The following FBXO42 variants were observed in gnomAD, a reference collection of about 807,000 sequenced individuals.
FBXO42 encodes the protein F-box only protein 42.
Under a neutral mutation model 71.7 loss-of-function variants are expected in FBXO42, and 12 were observed. The observed-to-expected ratio is 0.17, with a 90% CI of 0.11 to 0.27. The LOEUF (loss-of-function observed/expected upper bound fraction) is 0.27, where lower values mean the gene tolerates loss of function less well. FBXO42 is among the 10% of genes least tolerant of loss of function. FBXO42 has a pLI of 1.00. For missense variants in FBXO42, 707 were observed against 911.9 expected (o/e 0.78, Z 2.89); for synonymous variants, 325 against 327.5 (o/e 0.99, Z 0.08).
At chr1:16,266,158 T>C (rs1164842721) in intron 4 of FBXO42, among the ~76,000 whole-genome samples, 1 of 152,170 alleles carries the variant, frequency 6.6e-6, no homozygotes, top group East Asian at 1.9e-4. Flanking sequence ...ATGGCTATTT[T>C]CATGGCTGTT....
chr1:16,255,248 G>A (rs2081628405), intron 6 of FBXO42, among the ~76,000 whole-genome samples: 1 of 152,042 alleles, frequency 6.6e-6, no homozygotes, highest in Non-Finnish European at 1.5e-5. Flanking sequence ...TTATTGGTCT[G>A]TGATTAAGGG....
intron 4 of FBXO42, among the ~76,000 whole-genome samples, chr1:16,262,093 T>C (rs1372538615): frequency 6.6e-6 from 1 of 152,220 alleles, no homozygotes; most frequent in African/African-American, 2.4e-5. Context: ...TTTTAAATTA[T>C]TGCTACTTTA....
chr1:16,265,780 TAAA>T (rs35779272), intron 4 of FBXO42, among the ~76,000 whole-genome samples: 4 of 142,838 alleles, frequency 2.8e-5, no homozygotes, highest in Non-Finnish European at 3.1e-5. Flanking sequence ...AAGTCCCTAT[TAAA>T]AAAAAAAAAA....
Position 16,311,487 on chromosome 1 carries a change from CAAAAA to C in FBXO42, c.250+3677_250+3681del, listed in dbSNP as rs138051911. Among the ~76,000 whole-genome samples, 389 of 110,738 alleles carry C rather than the reference CAAAAA, an allele frequency of 3.5e-3. 2 individuals are homozygous for C. The highest frequency in any genetic ancestry group is 4.7e-3 in the Non-Finnish European group (264 of 56,312). The allele number at this position is 110,738 out of a possible 152,430, so 72.6% of individuals were successfully genotyped here. A position where few individuals can be genotyped will look rare whatever the true frequency, so the allele number is the denominator to read the frequency against. ...TGGGTGACAGAGCAAGATCTTGTCT[CAAAAA>C]AAAAAAAAAAAATATATATATATAT... On this transcript the variant is annotated intron_variant, in intron 2 of 9. Transcript: ENST00000375592.
intron 1 of FBXO42, among the ~76,000 whole-genome samples, chr1:16,336,909 C>T (rs988810223): frequency 2.6e-5 from 4 of 152,020 alleles, no homozygotes; most frequent in South Asian, 2.1e-4. Context: ...CACTTGAACC[C>T]GGGAGGTGGA....
At chr1:16,320,130 C>T (rs2082399845) in intron 1 of FBXO42, among the ~76,000 whole-genome samples, 1 of 151,842 alleles carries the variant, frequency 6.6e-6, no homozygotes, top group Admixed American at 6.6e-5. Context: ...AAGGCCAAGG[C>T]AGGCAGATCA....
intron 4 of FBXO42, among the ~76,000 whole-genome samples, chr1:16,265,244 C>T (rs1173416986): frequency 6.6e-6 from 1 of 152,112 alleles, no homozygotes; most frequent in Middle Eastern, 3.2e-3. Context: ...CAGGCATGCA[C>T]CACCAAGTGG....
At chr1:16,332,314 G>C (rs1156474283) in intron 1 of FBXO42, among the ~76,000 whole-genome samples, 1 of 152,014 alleles carries the variant, frequency 6.6e-6, no homozygotes, top group Non-Finnish European at 1.5e-5. Context: ...TTCCAACAAT[G>C]GGAGGCACAT....
At chr1:16,342,074 C>G (rs1045038310) in intron 1 of FBXO42, among the ~76,000 whole-genome samples, 2 of 151,206 alleles carry the variant, frequency 1.3e-5, no homozygotes, top group African/African-American at 4.9e-5. Context: ...CCCAGGGGTT[C>G]AGGACCACCC....
In FBXO42 at chr1:16,248,037, G is replaced by A. The variant is rs938916250; in HGVS notation, c.*2633C>T. 3.3e-5 allele frequency: 5 copies of A among 152,102 alleles called. No individual in the cohort carries two copies. Among genetic ancestry groups the A allele is most frequent in the Non-Finnish European group, 5.9e-5 (4 of 68,020 alleles). 9.4% of individuals were successfully genotyped at this position (152,102 alleles called of 1,614,324 possible). On this transcript the variant is annotated 3_prime_UTR_variant, in exon 10 of 10. Transcript: ENST00000375592. ...AAATATTTGCTTCAGGTGCTCCTGA[G>A]GGTTAAAAAAAATTTAGTCTCATTT... is the stretch of plus-strand genomic sequence containing the variant.
chr1:16,297,068 A>G (rs530389910), intron 3 of FBXO42, among the ~76,000 whole-genome samples: 5 of 151,892 alleles, frequency 3.3e-5, no homozygotes, highest in African/African-American at 1.2e-4. Flanking sequence ...TCTCCCGAGT[A>G]GGTGTAACTG....
Position 16,323,772 on chromosome 1 carries a change from GTGAC to G in FBXO42, c.-17-8341_-17-8338del, listed in dbSNP as rs1328243718. Among the ~76,000 whole-genome samples the G allele has an allele frequency of 2.1e-5, 3 of 140,126 alleles. No individual in the cohort carries two copies. In the East Asian group the frequency reaches 6.5e-4, roughly 30 times the overall value. 91.9% of individuals were successfully genotyped at this position (140,126 alleles called of 152,430 possible). ...ACCACTGCACTCCAAGGTGGGTGAG[GTGAC>G]AAAGCAAGACTCTGTCTCAAAAAAA... On this transcript the variant is annotated intron_variant, in intron 1 of 9. Coordinates refer to ENST00000375592, the MANE Select transcript of FBXO42 (RefSeq NM_018994.3).
At chr1:16,334,993 A>C (rs888168419) in intron 1 of FBXO42, among the ~76,000 whole-genome samples, 3 of 138,700 alleles carry the variant, frequency 2.2e-5, no homozygotes, top group African/African-American at 7.8e-5. Flanking sequence ...GTGGGAAGCC[A>C]AGGTGGGCGA....
intron 7 of FBXO42, 160 bp downstream of exon 7, chr1:16,253,475 G>C: frequency 3.1e-6 from 2 of 637,822 alleles, no homozygotes; most frequent in Non-Finnish European, 5.4e-6. Context: ...TAAATAATAT[G>C]ACCCATTAGA....
chr1:16,256,492 G>C lies in FBXO42; in HGVS notation c.656+114C>G, dbSNP rs2100434527. ...GTGCATTTTTCCCCTCCTGGGAAAA[G>C]AGTCCACAGCTTTCCATCTAATTCT... On this transcript the variant is annotated intron_variant, in intron 5 of 9. Transcript: ENST00000375592. 5 of 1,132,030 alleles carry C rather than the reference G, an allele frequency of 4.4e-6. No individual in the cohort carries two copies. In the South Asian group the frequency reaches 8.0e-5, roughly 18 times the overall value. The allele number at this position is 1,132,030 out of a possible 1,614,324, so 70.1% of individuals were successfully genotyped here.
intron 1 of FBXO42, among the ~76,000 whole-genome samples, chr1:16,350,313 C>T (rs146170920): frequency 0.016 from 2,474 of 152,132 alleles, 32 homozygotes; most frequent in Non-Finnish European, 0.024. Context: ...GCATTAATTT[C>T]ATGACTCTTT....
At position 16,252,145 on chromosome 1, in the gene FBXO42, G is replaced by A. The variant is rs569906811; in HGVS notation, c.1038+143C>T. The A allele has an allele frequency of 6.2e-5, 43 of 695,202 alleles. No individual in the cohort carries two copies. In the South Asian group the frequency reaches 7.6e-4, roughly 12 times the overall value. The allele number at this position is 695,202 out of a possible 1,614,324, so 43.1% of individuals were successfully genotyped here. On this transcript the variant is annotated intron_variant, in intron 9 of 9. Transcript: ENST00000375592. The surrounding 1 kb of genome is among the most constrained non-coding windows in gnomAD (Gnocchi z 4.4). ...TTCCCATTTAGTGAGAAATGCCAAA[G>A]GAGCTATGGCTAATGTTCACCTCTT...
At position 16,252,923 on chromosome 1, in the gene FBXO42, T is replaced by TA. The variant is rs34091640; in HGVS notation, c.921+172dup. On this transcript the variant is annotated intron_variant, in intron 8 of 9. Coordinates refer to ENST00000375592, the MANE Select transcript of FBXO42 (RefSeq NM_018994.3). This position sits in a 1 kb window ranked among gnomAD's most constrained non-coding sequence, Gnocchi z 4.4. ...GATTAAAAGGATCCCCCCACAACCC[T>TA]AAAAAAAAGCAGAAACAAAGGCCAG... Among the ~76,000 whole-genome samples, 76 of 151,318 alleles carry TA rather than the reference T, an allele frequency of 5.0e-4. No individual in the cohort carries two copies. Among genetic ancestry groups the TA allele is most frequent in the African/African-American group, 1.8e-3 (74 of 41,216 alleles).
chr1:16,259,475 T>C (rs1569815923), intron 4 of FBXO42, among the ~76,000 whole-genome samples: 1 of 152,138 alleles, frequency 6.6e-6, no homozygotes, highest in East Asian at 1.9e-4. Flanking sequence ...TAAGAATATA[T>C]ACCTCTTGCC....
Sources: gnomAD v4.1 joint callset for allele counts (sites outside exome capture counted in the v4.1 genomes callset) on GRCh38, gnomAD v4.1.1 for gene constraint, Gnocchi (gnomAD v3.1) non-coding constraint, MANE v1.5 for transcripts, NCBI Gene and HGNC (gene_info 2026-07-23, HGNC 2026-07-21) for gene names.